The following USP24 variants were observed in gnomAD, a reference collection of about 807,000 sequenced individuals.
USP24 encodes ubiquitin carboxyl-terminal hydrolase 24.
In USP24, 97 loss-of-function variants were observed where a neutral mutation model predicts 361.6. That is an observed-to-expected ratio of 0.27 (90% confidence interval 0.23 to 0.32). USP24 has a LOEUF of 0.32. USP24 is among the 10% of genes least tolerant of loss of function. USP24 has a pLI of 1.00. For synonymous variants in USP24, 1,098 were observed against 1,124.6 expected, an observed-to-expected ratio of 0.98 and a Z score of 0.47; for missense variants, 2,353 against 3,165.6, an observed-to-expected ratio of 0.74 and a Z score of 6.16.
intron 30 of USP24, among the ~76,000 whole-genome samples, chr1:55,133,296 C>T (rs1646642926): frequency 6.6e-6 from 1 of 152,078 alleles, no homozygotes; most frequent in African/African-American, 2.4e-5. Context: ...AACATTCTAA[C>T]AATTAACAAA....
chr1:55,158,391 T>C (rs771223692), intron 10 of USP24, among the ~76,000 whole-genome samples: 96 of 152,234 alleles, frequency 6.3e-4, no homozygotes, highest in Non-Finnish European at 8.5e-4. Context: ...CTGAACTGCA[T>C]TGGCTCCATG....
chr1:55,144,243 G>A (rs369250699), intron 20 of USP24, 40 bp from the exon 21 acceptor site: 9 of 1,327,508 alleles, frequency 6.8e-6, no homozygotes, highest in African/African-American at 6.0e-5. Context: ...TGTACTCTAC[G>A]TAACACAGAT....
chr1:55,213,255 T>C (rs1269385366), intron 1 of USP24, among the ~76,000 whole-genome samples: 2 of 152,310 alleles, frequency 1.3e-5, no homozygotes, highest in East Asian at 1.9e-4. Context: ...TACTCAATTA[T>C]ATGGGAATTT....
chr1:55,127,198 C>T (rs1646456157), intron 32 of USP24, among the ~76,000 whole-genome samples: 1 of 151,562 alleles, frequency 6.6e-6, no homozygotes, highest in Non-Finnish European at 1.5e-5. Flanking sequence ...GGTATATCTC[C>T]TAATGCTATC....
chr1:55,176,908 C>T (rs1046811255), intron 2 of USP24, among the ~76,000 whole-genome samples: 3 of 151,878 alleles, frequency 2.0e-5, no homozygotes, highest in Admixed American at 6.6e-5. Context: ...CCAGCCTGGG[C>T]GACACAGTGA....
At chr1:55,198,908 C>A (rs1325601234) in intron 1 of USP24, among the ~76,000 whole-genome samples, 1 of 152,114 alleles carries the variant, frequency 6.6e-6, no homozygotes, top group African/African-American at 2.4e-5. Context: ...ATCATAAAAT[C>A]TTTTAAACAT....
Position 55,214,969 on chromosome 1 carries a change from C to A in USP24, c.145G>T (p.Asp49Tyr), listed in dbSNP as rs760686167. The part of the protein sequence containing the change: ...ALLTNERPGL[D>Y]YGGYEPMDSG... ...TCCATGGGCTCGTAGCCGCCGTAGT[C>A]GAGGCCCGGCCGCTCGTTGGTGAGC... Residue 49 changes from aspartate to tyrosine, a missense_variant, in exon 1 of 68, where the codon GAC becomes TAC. By Grantham distance (160) the Asp-to-Tyr change is radical (BLOSUM62 -3). Coordinates refer to ENST00000294383, the MANE Select transcript of USP24 (RefSeq NM_015306.3). 2.8e-6 allele frequency: 4 copies of A among 1,435,752 alleles called. No individual in the cohort carries two copies. The Admixed American group carries it at 7.3e-5, about 26-fold the overall frequency. 88.9% of individuals were successfully genotyped at this position (1,435,752 alleles called of 1,614,324 possible). A position where few individuals can be genotyped will look rare whatever the true frequency, so the allele number is the denominator to read the frequency against.
chr1:55,213,284 G>A (rs909512856), intron 1 of USP24, among the ~76,000 whole-genome samples: 1 of 152,174 alleles, frequency 6.6e-6, no homozygotes, highest in Non-Finnish European at 1.5e-5. Flanking sequence ...TCCCAAACTA[G>A]GAATAGTAAC....
At chr1:55,152,007 C>A in intron 16 of USP24, 1 of 985,396 alleles carries the variant, frequency 1.0e-6, no homozygotes, top group Non-Finnish European at 1.2e-6. Context: ...TAGAAAAACA[C>A]CTTTAGTGGA....
At chr1:55,184,117 C>T (rs915414929) in intron 1 of USP24, among the ~76,000 whole-genome samples, 3 of 152,186 alleles carry the variant, frequency 2.0e-5, no homozygotes, top group South Asian at 2.1e-4. Flanking sequence ...AGTGCAGTGG[C>T]GTAATCTCAG....
intron 28 of USP24, among the ~76,000 whole-genome samples, chr1:55,135,425 C>T (rs528898628): frequency 6.6e-6 from 1 of 152,200 alleles, no homozygotes; most frequent in Non-Finnish European, 1.5e-5. Context: ...AAATTCCATG[C>T]CTGACCTCAT....
chr1:55,200,670 A>G (rs765044632), intron 1 of USP24, among the ~76,000 whole-genome samples: 5 of 152,234 alleles, frequency 3.3e-5, no homozygotes, highest in Non-Finnish European at 7.3e-5. Flanking sequence ...TCTGAAACAA[A>G]AACAACACTA....
At chr1:55,121,299 G>T in intron 37 of USP24, 137 bp downstream of exon 37, 1 of 658,938 alleles carries the variant, frequency 1.5e-6, no homozygotes, top group Non-Finnish European at 2.5e-6. Context: ...TTTCTTTCAT[G>T]GTCTGCAGCC....
intron 1 of USP24, among the ~76,000 whole-genome samples, chr1:55,191,607 C>T (rs1644290348): frequency 6.6e-6 from 1 of 151,740 alleles, no homozygotes; most frequent in South Asian, 2.1e-4. Context: ...TCTCCTGTCT[C>T]AGCCTCCTGA....
intron 61 of USP24, among the ~76,000 whole-genome samples, chr1:55,077,707 T>C (rs528552134): frequency 2.6e-5 from 4 of 152,288 alleles, no homozygotes; most frequent in African/African-American, 7.2e-5. Context: ...GCTTATAAAA[T>C]AGAAAAATGT....
chr1:55,094,696 T>TAAA (rs35026432), intron 51 of USP24, among the ~76,000 whole-genome samples: 19 of 108,972 alleles, frequency 1.7e-4, no homozygotes, highest in South Asian at 3.4e-4. Context: ...CTGCTAACAT[T>TAAA]AAAAAAAAAA....
chr1:55,083,958 T>A (rs577414652), intron 56 of USP24, 70 bp from the exon 57 acceptor site: 1 of 1,229,720 alleles, frequency 8.1e-7, no homozygotes, highest in Non-Finnish European at 1.1e-6. Flanking sequence ...CAGGATTAAT[T>A]TGAGGTAAAC....
At chr1:55,075,653 A>G in intron 62 of USP24, 130 bp from the exon 63 acceptor site, 1 of 504,758 alleles carries the variant, frequency 2.0e-6, no homozygotes, top group East Asian at 3.2e-5. Flanking sequence ...AACAACAACA[A>G]CAACAACAAC....
chr1:55,176,509 A>T (rs565793314), intron 2 of USP24, 66 bp from the exon 3 acceptor site: 92 of 1,405,104 alleles, frequency 6.5e-5, no homozygotes, highest in Non-Finnish European at 9.0e-5. Context: ...TAGTAAAATG[A>T]ATGAAATAAT....
Sources: allele counts gnomAD v4.1 joint callset (sites outside exome capture counted in the v4.1 genomes callset), GRCh38; gene constraint gnomAD v4.1.1; transcripts MANE v1.5; gene names NCBI Gene and HGNC (gene_info 2026-07-23, HGNC 2026-07-21).